The following ICA1 variants were observed in gnomAD, a reference collection of about 807,000 sequenced individuals.
ICA1 encodes islet cell autoantigen 1.
In ICA1, 40 loss-of-function variants were observed where a neutral mutation model predicts 71.0. The observed-to-expected ratio is 0.56, with a 90% CI of 0.44 to 0.73. ICA1 has a LOEUF of 0.73. Among genes scored for constraint, ICA1 ranks in the 30% least tolerant of loss-of-function variants. The pLI, the probability that ICA1 is intolerant of heterozygous loss-of-function variation, is 0.00. For missense variants in ICA1, 578 were observed against 576.5 expected, an observed-to-expected ratio of 1.00 and a Z score of -0.03; for synonymous variants, 207 against 209.5, an observed-to-expected ratio of 0.99 and a Z score of 0.10.
At chr7:8,164,518 T>C (rs1042204472) in intron 6 of ICA1, among the ~76,000 whole-genome samples, 2 of 152,108 alleles carry the variant, frequency 1.3e-5, no homozygotes, top group African/African-American at 2.4e-5. Flanking sequence ...TGTTATTGTC[T>C]AGCTTGCCTT....
At chr7:8,248,348 A>G (rs1295992686) in intron 1 of ICA1, among the ~76,000 whole-genome samples, 6 of 152,060 alleles carry the variant, frequency 3.9e-5, no homozygotes, top group Admixed American at 1.3e-4. Flanking sequence ...CAACATTTCT[A>G]TTTTCTAGAT....
Position 8,128,085 on chromosome 7 carries a change from A to T in ICA1, c.1118T>A (p.Leu373Gln). 6.2e-7 allele frequency: 1 copy of T among 1,614,216 alleles called. No homozygotes were observed. Among genetic ancestry groups the T allele is most frequent in the Non-Finnish European group, 8.5e-7 (1 of 1,180,048 alleles). ...PEPEGADKDD[L>Q]LLLSEIFNAS... ...ATTGAAGATCTCACTCAACAGCAGC[A>T]GGTCATCTTTGTCAGCACCTTCAGG... The change falls in exon 13 of 14, where the codon CTG becomes CAG. Residue 373 changes from leucine (L) to glutamine (Q), a missense_variant. Coordinates refer to ENST00000402384, the MANE Select transcript of ICA1 (RefSeq NM_001136020.3).
At chr7:8,159,693 G>C (rs982372701) in intron 6 of ICA1, among the ~76,000 whole-genome samples, 4 of 151,934 alleles carry the variant, frequency 2.6e-5, no homozygotes, top group African/African-American at 7.3e-5. Flanking sequence ...GTGAGAGCCT[G>C]TCTCAAAAAA....
intron 6 of ICA1, among the ~76,000 whole-genome samples, chr7:8,213,443 G>C (rs1173756195): frequency 6.6e-6 from 1 of 152,144 alleles, no homozygotes; most frequent in African/African-American, 2.4e-5. Context: ...CCCTACCTTA[G>C]ACACTGAAGT....
chr7:8,113,221 A>C lies in ICA1; in HGVS notation c.*702T>G, dbSNP rs1783735645. The C allele has an allele frequency of 6.6e-6, 1 of 151,982 alleles. No individual in the cohort carries two copies. 9.4% of individuals were successfully genotyped at this position (151,982 alleles called of 1,614,324 possible). A position where few individuals can be genotyped will look rare whatever the true frequency, so the allele number is the denominator to read the frequency against. On this transcript the variant is annotated 3_prime_UTR_variant, in exon 14 of 14. Coordinates refer to ENST00000402384, the MANE Select transcript of ICA1 (RefSeq NM_001136020.3). This position sits in a 1 kb window ranked among gnomAD's most constrained non-coding sequence, Gnocchi z 4.2. ...ATATCTTTTCTGTTTAATTAAAAAA[A>C]AAAAAAAAACAATGTCACAAGAGGC...
intron 6 of ICA1, among the ~76,000 whole-genome samples, chr7:8,177,778 A>G (rs1781055770): frequency 1.3e-5 from 2 of 152,226 alleles, no homozygotes; most frequent in South Asian, 4.1e-4. Flanking sequence ...GCAGAAAGTA[A>G]TTCTGTTAGG....
intron 8 of ICA1, among the ~76,000 whole-genome samples, chr7:8,148,135 G>A (rs548484892): frequency 7.9e-4 from 120 of 152,282 alleles, no homozygotes; most frequent in African/African-American, 2.6e-3. Flanking sequence ...GGAATAAGCA[G>A]TTTGGAAAAT....
At chr7:8,219,933 A>G (rs898760480) in intron 5 of ICA1, among the ~76,000 whole-genome samples, 1 of 152,230 alleles carries the variant, frequency 6.6e-6, no homozygotes, top group Non-Finnish European at 1.5e-5. Flanking sequence ...TTACTCTATG[A>G]AATATTTTTT....
chr7:8,261,119 A>G (rs1354867741), intron 1 of ICA1, among the ~76,000 whole-genome samples: 1 of 152,170 alleles, frequency 6.6e-6, no homozygotes, highest in East Asian at 1.9e-4. Flanking sequence ...CTCGGTTACT[A>G]AGATTCATGA....
chr7:8,149,249 C>A (rs775258242), intron 8 of ICA1, among the ~76,000 whole-genome samples: 3 of 152,196 alleles, frequency 2.0e-5, no homozygotes, highest in African/African-American at 7.2e-5. Flanking sequence ...AACCCCAAAC[C>A]CACTCAGTCT....
chr7:8,141,624 A>C (rs1384568506), intron 10 of ICA1, 141 bp downstream of exon 10: 1 of 582,368 alleles, frequency 1.7e-6, no homozygotes, highest in Non-Finnish European at 3.1e-6. Flanking sequence ...TTTAGAACTG[A>C]GTCTACAGGA....
chr7:8,220,702 G>T (rs1029860279), intron 5 of ICA1, among the ~76,000 whole-genome samples: 7 of 152,066 alleles, frequency 4.6e-5, no homozygotes, highest in Non-Finnish European at 1.0e-4. Context: ...CCAGAGCTTC[G>T]CAAACTTGAA....
chr7:8,221,830 T>C (rs774491596), intron 4 of ICA1, among the ~76,000 whole-genome samples: 3 of 152,192 alleles, frequency 2.0e-5, no homozygotes, highest in Non-Finnish European at 4.4e-5. Flanking sequence ...TTGAGTTACA[T>C]TCTATTCCAT....
At chr7:8,208,489 G>A (rs548275246) in intron 6 of ICA1, among the ~76,000 whole-genome samples, 1 of 151,972 alleles carries the variant, frequency 6.6e-6, no homozygotes, top group Non-Finnish European at 1.5e-5. Context: ...AACCCACCAG[G>A]GTACAACTGT....
Position 8,113,993 on chromosome 7 carries a change from T to C in ICA1, c.1382A>G (p.Asp461Gly). The change falls in exon 14 of 14, where the codon GAC (aspartate) becomes GGC (glycine). Residue 461 changes from aspartate to glycine, a missense_variant. By Grantham distance (94) the Asp-to-Gly change is moderately conservative. Coordinates refer to ENST00000402384, the MANE Select transcript of ICA1 (RefSeq NM_001136020.3). The surrounding 1 kb of genome is among the most constrained non-coding windows in gnomAD (Gnocchi z 4.2). Reference protein sequence around the residue: ...DLTAWFSLFADLDPLSNPDAV... With the variant: ...DLTAWFSLFAGLDPLSNPDAV... ...ATCAGGATTTGAGAGTGGGTCGAGG[T>C]CAGCGAAGAGGCTGAACCAGGCAGT... The C allele has an allele frequency of 6.2e-7, 1 of 1,614,024 alleles. No individual in the cohort carries two copies. The highest frequency in any genetic ancestry group is 2.2e-5 in the East Asian group (1 of 44,862).
chr7:8,190,015 G>C (rs935792146), intron 6 of ICA1, among the ~76,000 whole-genome samples: 3 of 152,184 alleles, frequency 2.0e-5, no homozygotes, highest in Non-Finnish European at 4.4e-5. Context: ...AGGCCTGGTG[G>C]AATTTTGTAC....
rs535664242 is a variant in ICA1, at chr7:8,191,157, C to T, written c.579+27148G>A. 3.8e-4 allele frequency among the ~76,000 whole-genome samples: 58 copies of T among 152,248 alleles called. No individual in the cohort carries two copies. The South Asian group carries it at 0.011, about 30-fold the overall frequency. On this transcript the variant is annotated intron_variant, in intron 6 of 13. Coordinates refer to ENST00000402384, the MANE Select transcript of ICA1 (RefSeq NM_001136020.3). Reference sequence around the variant, plus strand: ...AATCACTATTTTGATGTATAATGTCCCTGCTATCATCTAGTCTTAGGTAAT... The same window carrying T: ...AATCACTATTTTGATGTATAATGTCTCTGCTATCATCTAGTCTTAGGTAAT...
At chr7:8,178,574 C>G (rs1282297409) in intron 6 of ICA1, among the ~76,000 whole-genome samples, 1 of 138,224 alleles carries the variant, frequency 7.2e-6, no homozygotes, top group East Asian at 2.1e-4. Flanking sequence ...TTGGTGTGGT[C>G]TTTTTTTTTT....
At chr7:8,165,615 C>A (rs1016064363) in intron 6 of ICA1, among the ~76,000 whole-genome samples, 1 of 152,054 alleles carries the variant, frequency 6.6e-6, no homozygotes, top group African/African-American at 2.4e-5. Flanking sequence ...TACTCTATAC[C>A]CAGAAAGCCC....
Sources: allele counts gnomAD v4.1 joint callset (sites outside exome capture counted in the v4.1 genomes callset), GRCh38; gene constraint gnomAD v4.1.1; non-coding constraint Gnocchi (gnomAD v3.1); transcripts MANE v1.5; gene names NCBI Gene and HGNC (gene_info 2026-07-23, HGNC 2026-07-21).